The following ZNF667 variants were observed in gnomAD, a reference collection of about 807,000 sequenced individuals.
The protein encoded by ZNF667 is zinc finger protein 667, also known as myocardial ischemic preconditioning upregulated 1 ortholog.
A neutral mutation model predicts 31.8 loss-of-function variants in ZNF667; 13 were observed. The observed-to-expected ratio is 0.41, with a 90% CI of 0.27 to 0.65. The LOEUF (loss-of-function observed/expected upper bound fraction) is 0.65, where lower values mean the gene tolerates loss of function less well. Among genes scored for constraint, ZNF667 ranks in the 30% least tolerant of loss-of-function variants. The pLI is 0.32. For missense variants in ZNF667, 642 were observed against 725.6 expected (o/e 0.88, Z 1.32); for synonymous variants, 228 against 247.1 (o/e 0.92, Z 0.73).
intron 3 of ZNF667, among the ~76,000 whole-genome samples, chr19:56,466,056 C>G (rs531999249): frequency 7.9e-5 from 12 of 152,330 alleles, no homozygotes; most frequent in African/African-American, 2.4e-4. Context: ...AATGGGCATG[C>G]TGTGTAGACA....
At chr19:56,473,419 C>G (rs1210509471) in intron 2 of ZNF667, among the ~76,000 whole-genome samples, 1 of 152,196 alleles carries the variant, frequency 6.6e-6, no homozygotes, top group African/African-American at 2.4e-5. Flanking sequence ...ATTACTACCA[C>G]CATCAGGAGA....
intron 3 of ZNF667, among the ~76,000 whole-genome samples, chr19:56,470,653 C>T (rs1190841552): frequency 6.6e-6 from 1 of 152,194 alleles, no homozygotes; most frequent in African/African-American, 2.4e-5. Context: ...TTCCGGAAAA[C>T]ATCCCCATAT....
chr19:56,471,131 C>A (rs2043283117), intron 3 of ZNF667, among the ~76,000 whole-genome samples: 1 of 151,992 alleles, frequency 6.6e-6, no homozygotes, highest in African/African-American at 2.4e-5. Context: ...CTCACGAGAT[C>A]CAGTTGTTTA....
At chr19:56,459,524 A>C (rs1379175785) in intron 5 of ZNF667, among the ~76,000 whole-genome samples, 1 of 152,180 alleles carries the variant, frequency 6.6e-6, no homozygotes, top group Non-Finnish European at 1.5e-5. Context: ...CTCCTTCAGA[A>C]GTTCTGAGTC....
At position 56,441,742 on chromosome 19, in the gene ZNF667, T is replaced by C; in HGVS notation, c.1253A>G (p.Lys418Arg). ...TCCAGAAAACATCTTCCCACATTCC[T>C]TACACTCAAATAGTTTCTTTTTCTT... is the stretch of plus-strand genomic sequence containing the variant. ...HTKKKKLFEC[K>R]ECGKMFSGTA... The change falls in exon 7 of 7, where the codon AAG (lysine) becomes AGG (arginine). Residue 418 changes from lysine to arginine, a missense_variant. Lys to Arg is a conservative substitution (Grantham distance 26). Transcript: ENST00000504904. The surrounding 1 kb of genome is among the most constrained non-coding windows in gnomAD (Gnocchi z 4.2). 1 of 1,614,198 alleles carries C rather than the reference T, an allele frequency of 6.2e-7. No individual in the cohort carries two copies. Among genetic ancestry groups the C allele is most frequent in the Non-Finnish European group, 8.5e-7 (1 of 1,180,028 alleles).
At chr19:56,454,852 C>A (rs1464488164) in intron 6 of ZNF667, among the ~76,000 whole-genome samples, 1 of 151,636 alleles carries the variant, frequency 6.6e-6, no homozygotes, top group Non-Finnish European at 1.5e-5. Flanking sequence ...AAAGCTTGGG[C>A]ACAGCACAGG....
At chr19:56,472,368 A>C (rs185797807) in intron 2 of ZNF667, 181 bp from the exon 3 acceptor site, 1 of 152,310 alleles carries the variant, frequency 6.6e-6, no homozygotes, top group East Asian at 1.9e-4. Context: ...CGGTAACTGG[A>C]ACATGGTCAT....
At chr19:56,444,404 T>G (rs1428703763) in intron 6 of ZNF667, 1 of 393,950 alleles carries the variant, frequency 2.5e-6, no homozygotes, top group African/African-American at 2.1e-5. Context: ...TCCCTATTGC[T>G]AAGACACCAC....
upstream of ZNF667, chr19:56,477,355 A>G (rs2043437300): frequency 1.3e-5 from 2 of 149,192 alleles, no homozygotes; most frequent in Admixed American, 6.6e-5. Flanking sequence ...CCCCTCCGGG[A>G]CCCCGGGACC....
Position 56,458,132 on chromosome 19 carries a change from T to C in ZNF667, c.253+23A>G, listed in dbSNP as rs773841186. On this transcript the variant is annotated intron_variant, in intron 6 of 6. Transcript: ENST00000504904. ...AGCAGCCCCAGTAGACTGAGACATA[T>C]GCCTTGGTTCTCTGTCACTCACCAG... The C allele has an allele frequency of 3.7e-6, 6 of 1,604,800 alleles. No homozygotes were observed. In the South Asian group the frequency reaches 4.4e-5, roughly 12 times the overall value.
intron 3 of ZNF667, among the ~76,000 whole-genome samples, chr19:56,470,971 T>C (rs572989737): frequency 3.4e-4 from 52 of 152,264 alleles, no homozygotes; most frequent in African/African-American, 1.2e-3. Context: ...CTGATATGGT[T>C]TGGATCTGTG....
intron 6 of ZNF667, 40 bp downstream of exon 6, chr19:56,458,115 C>T: frequency 1.3e-6 from 2 of 1,544,576 alleles, no homozygotes; most frequent in Non-Finnish European, 1.8e-6. Context: ...ATAGCAGCCC[C>T]AGTAGACTGA....
chr19:56,458,239 A>G lies in ZNF667; in HGVS notation c.169T>C (p.Phe57Leu). ...AAGGTGATCACATTTGGTCTCCGAA[A>G]GGAAAGACCTGTACGTGGGACAAAC... Reference protein sequence around the residue: ...YRNLVSLGLSFRRPNVITLLE... With the variant: ...YRNLVSLGLSLRRPNVITLLE... The change falls in exon 6 of 7, where the codon TTT (phenylalanine) becomes CTT (leucine). Residue 57 changes from phenylalanine to leucine, a missense_variant. Phe to Leu is a conservative substitution (Grantham distance 22, BLOSUM62 0). Coordinates refer to ENST00000504904, the MANE Select transcript of ZNF667 (RefSeq NM_001321356.2). The G allele has an allele frequency of 6.2e-7, 1 of 1,613,968 alleles. No homozygotes were observed. Among genetic ancestry groups the G allele is most frequent in the Non-Finnish European group, 8.5e-7 (1 of 1,179,884 alleles).
Position 56,441,049 on chromosome 19 carries a change from G to C in ZNF667, c.*113C>G. ...TGACTTTTGCTCTTTGGCTTTCAAA[G>C]TGGGACATATCATCAAATGGTCCCA... On this transcript the variant is annotated 3_prime_UTR_variant, in exon 7 of 7. Coordinates refer to ENST00000504904, the MANE Select transcript of ZNF667 (RefSeq NM_001321356.2). This position sits in a 1 kb window ranked among gnomAD's most constrained non-coding sequence, Gnocchi z 4.2. 1 of 1,472,132 alleles carries C rather than the reference G, an allele frequency of 6.8e-7. No individual in the cohort carries two copies. Among genetic ancestry groups the C allele is most frequent in the Non-Finnish European group, 9.0e-7 (1 of 1,115,940 alleles). 91.2% of individuals were successfully genotyped at this position (1,472,132 alleles called of 1,614,324 possible).
chr19:56,468,576 CAT>C (rs2043216827), intron 3 of ZNF667: 4 of 152,236 alleles, frequency 2.6e-5, no homozygotes, highest in Non-Finnish European at 4.4e-5. Context: ...ACCTTGGGCA[CAT>C]GTCAGGACCT....
Position 56,460,777 on chromosome 19 carries a change from G to T in ZNF667, c.72C>A (p.Ser24=), listed in dbSNP as rs140408497. The T allele has an allele frequency of 9.9e-6, 16 of 1,610,534 alleles. No homozygotes were observed. The East Asian group carries it at 3.4e-4, about 34-fold the overall frequency. ...GGCTCAGCCATTCCCACTCCTCCTG[G>T]GAGAAGTAGATGGCTAAGTCCCCAA... The part of the protein sequence containing the change: ...ITFGDLAIYF[S]QEEWEWLSPI... Residue 24 remains serine (S), a synonymous_variant, in exon 5 of 7, where the codon TCC becomes TCA. Transcript: ENST00000504904.
intron 4 of ZNF667, among the ~76,000 whole-genome samples, chr19:56,461,991 G>A (rs2043055013): frequency 6.6e-6 from 1 of 152,212 alleles, no homozygotes; most frequent in Non-Finnish European, 1.5e-5. Context: ...GCCCCACCTG[G>A]GCATTCATCT....
At chr19:56,457,657 C>T (rs1332887205) in intron 6 of ZNF667, among the ~76,000 whole-genome samples, 1 of 152,192 alleles carries the variant, frequency 6.6e-6, no homozygotes, top group Non-Finnish European at 1.5e-5. Flanking sequence ...ATTCTCTGTA[C>T]AGGCCTGGAG....
chr19:56,462,000 C>T (rs1195773205), intron 4 of ZNF667, among the ~76,000 whole-genome samples: 1 of 152,244 alleles, frequency 6.6e-6, no homozygotes, highest in Non-Finnish European at 1.5e-5. Flanking sequence ...GGGCATTCAT[C>T]TCCATGCTGA....
Sources: allele counts gnomAD v4.1 joint callset (sites outside exome capture counted in the v4.1 genomes callset), GRCh38; gene constraint gnomAD v4.1.1; non-coding constraint Gnocchi (gnomAD v3.1); transcripts MANE v1.5; gene names NCBI Gene and HGNC (gene_info 2026-07-23, HGNC 2026-07-21).